SUMO3: variants seen among roughly 807,000 people sequenced by gnomAD.
SUMO3 encodes small ubiquitin like modifier 3.
Under a neutral mutation model 11.1 loss-of-function variants are expected in SUMO3, and 2 were observed. That is an observed-to-expected ratio of 0.18 (90% CI 0.07 to 0.57). The LOEUF (loss-of-function observed/expected upper bound fraction) is 0.57, where lower values mean the gene tolerates loss of function less well. Ranked by LOEUF, SUMO3 falls within the 20% of genes least tolerant of loss-of-function variation. SUMO3 has a pLI of 0.92. For missense variants in SUMO3, 70 were observed against 132.8 expected (o/e 0.53, Z 2.32); for synonymous variants, 56 against 53.5 (o/e 1.05, Z -0.20).
intron 2 of SUMO3, chr21:44,813,688 A>T: frequency 1.2e-6 from 1 of 842,208 alleles, no homozygotes; most frequent in Non-Finnish European, 1.8e-6. Flanking sequence ...CACAGATGTT[A>T]GTACCCCATG....
chr21:44,812,748 G>A (rs2083219848), intron 2 of SUMO3, among the ~76,000 whole-genome samples: 1 of 152,228 alleles, frequency 6.6e-6, no homozygotes, highest in South Asian at 2.1e-4. Flanking sequence ...GAGAGCAGGG[G>A]GAAGGGCAGA....
chr21:44,813,830 A>G (rs1264457122), intron 2 of SUMO3, 146 bp downstream of exon 2: 1 of 1,538,684 alleles, frequency 6.5e-7, no homozygotes, highest in South Asian at 1.2e-5. Context: ...TTACAGCACA[A>G]GCCCCCGCCT....
intron 3 of SUMO3, chr21:44,808,572 C>A: frequency 1.4e-6 from 2 of 1,382,610 alleles, no homozygotes; most frequent in Non-Finnish European, 1.9e-6. Context: ...TGATGCCCTG[C>A]AACGTGATAG....
chr21:44,814,873 C>T (rs151178898), intron 1 of SUMO3, among the ~76,000 whole-genome samples: 8 of 152,352 alleles, frequency 5.3e-5, no homozygotes, highest in African/African-American at 1.4e-4. Context: ...ATGGCACAAT[C>T]GGGGTGTCTT....
At chr21:44,808,525 G>T in intron 3 of SUMO3, 2 of 1,421,676 alleles carry the variant, frequency 1.4e-6, no homozygotes, top group African/African-American at 1.5e-5. Flanking sequence ...AAAAAAAAAA[G>T]TCTGTTTCCA....
rs2083209222 is a variant in SUMO3, at chr21:44,811,059, C to A, written c.151-1941G>T. 6.7e-6 allele frequency among the ~76,000 whole-genome samples: 1 copy of A among 149,248 alleles called. No individual in the cohort carries two copies. Among genetic ancestry groups the A allele is most frequent in the Non-Finnish European group, 1.5e-5 (1 of 67,098 alleles). ...CCACATACACACACGCACACACCCACACATACACACACACGAATGCACACA... is the reference window on the plus strand; with the variant it reads ...CCACATACACACACGCACACACCCAAACATACACACACACGAATGCACACA... On this transcript the variant is annotated intron_variant, in intron 2 of 3. Transcript: ENST00000332859. This position sits in a 1 kb window ranked among gnomAD's most constrained non-coding sequence, Gnocchi z 5.0.
rs188978703 is a variant in SUMO3 at position 44,808,255 on chromosome 21, T to A, written c.222+792A>T. ...CGGCCGGGCGCGTTGGCTCATGCCT[T>A]TAATCCCAGCACTTTGGGGGGCTGA... On this transcript the variant is annotated intron_variant, in intron 3 of 3. Coordinates refer to ENST00000332859, the MANE Select transcript of SUMO3 (RefSeq NM_006936.3). The A allele has an allele frequency of 1.3e-4, 37 of 279,484 alleles. 1 individual carries two copies. The Admixed American group carries it at 1.4e-3, about 11-fold the overall frequency. The allele number at this position is 279,484 out of a possible 1,614,324, so 17.3% of individuals were successfully genotyped here.
At chr21:44,816,813 G>A (rs1482866526) in intron 1 of SUMO3, among the ~76,000 whole-genome samples, 1 of 151,310 alleles carries the variant, frequency 6.6e-6, no homozygotes, top group African/African-American at 2.4e-5. Flanking sequence ...AGGGGTGGGC[G>A]CGCATGGTGG....
chr21:44,814,203 T>A lies in SUMO3; in HGVS notation c.22-99A>T, dbSNP rs1447444725. On this transcript the variant is annotated intron_variant, in intron 1 of 3. Coordinates refer to ENST00000332859, the MANE Select transcript of SUMO3 (RefSeq NM_006936.3). ...GGTAATTGTTGGCTTTTTAAAGTCATCAAAACCAACCTAATTCTTAAAATT... is the reference window on the plus strand; with the variant it reads ...GGTAATTGTTGGCTTTTTAAAGTCAACAAAACCAACCTAATTCTTAAAATT... The A allele has an allele frequency of 4.7e-6, 7 of 1,480,494 alleles. No homozygotes were observed. The African/African-American group carries it at 7.0e-5, about 15-fold the overall frequency. The allele number at this position is 1,480,494 out of a possible 1,614,324, so 91.7% of individuals were successfully genotyped here.
In SUMO3 at chr21:44,806,644, A is replaced by G. The variant is rs2083178733; in HGVS notation, c.*307T>C. 5 of 469,710 alleles carry G rather than the reference A, an allele frequency of 1.1e-5. No homozygotes were observed. Among genetic ancestry groups the G allele is most frequent in the Non-Finnish European group, 1.7e-5 (5 of 287,416 alleles). The allele number at this position is 469,710 out of a possible 1,614,324, so 29.1% of individuals were successfully genotyped here. On this transcript the variant is annotated 3_prime_UTR_variant, in exon 4 of 4. Coordinates refer to ENST00000332859, the MANE Select transcript of SUMO3 (RefSeq NM_006936.3). ...CAGACTAAAAGCGAACATTCAGGCT[A>G]TAATTTTGGGGTTAAAAAAATGTTG...
chr21:44,810,524 T>A lies in SUMO3; in HGVS notation c.151-1406A>T, dbSNP rs1569307984. Among the ~76,000 whole-genome samples the A allele has an allele frequency of 6.6e-6, 1 of 152,208 alleles. No individual in the cohort carries two copies. The highest frequency in any genetic ancestry group is 1.9e-4 in the East Asian group (1 of 5,164). ...GAGATGTGCTTTCTGAGAAGGTGGG[T>A]GCGGAGCTCCAGGCGCAGGGCGGAA... is the stretch of plus-strand genomic sequence containing the variant. On this transcript the variant is annotated intron_variant, in intron 2 of 3. Transcript: ENST00000332859. The surrounding 1 kb of genome is among the most constrained non-coding windows in gnomAD (Gnocchi z 4.1).
intron 2 of SUMO3, among the ~76,000 whole-genome samples, chr21:44,812,714 G>A (rs2083219640): frequency 6.6e-6 from 1 of 152,250 alleles, no homozygotes; most frequent in Non-Finnish European, 1.5e-5. Flanking sequence ...CAGCAGTGCA[G>A]GTGGGGCAGG....
At chr21:44,816,967 TG>T in intron 1 of SUMO3, among the ~76,000 whole-genome samples, 1 of 16,794 alleles carries the variant, frequency 6.0e-5, no homozygotes, top group Non-Finnish European at 1.1e-4. Context: ...ACTGGGGGTG[TG>T]ATGGAAAGGG....
intron 1 of SUMO3, among the ~76,000 whole-genome samples, chr21:44,814,874 G>A (rs185911602): frequency 5.3e-4 from 80 of 152,284 alleles, no homozygotes; most frequent in African/African-American, 1.8e-3. Flanking sequence ...TGGCACAATC[G>A]GGGTGTCTTG....
chr21:44,814,109 A>G lies in SUMO3; in HGVS notation c.22-5T>C. 6.2e-7 allele frequency: 1 copy of G among 1,611,484 alleles called. No individual in the cohort carries two copies. ...ATTCTCTGTCTTCACACCCTCCTGC[A>G]GAAGACACCAGAGACTGGCCTCAAA... On this transcript the variant is annotated splice_region_variant and splice_polypyrimidine_tract_variant and intron_variant, in intron 1 of 3. Coordinates refer to ENST00000332859, the MANE Select transcript of SUMO3 (RefSeq NM_006936.3).
chr21:44,808,632 G>A, intron 3 of SUMO3: 1 of 1,384,172 alleles, frequency 7.2e-7, no homozygotes, highest in Non-Finnish European at 9.4e-7. Context: ...GAGCTGTGCA[G>A]ACTGATAATC....
chr21:44,807,422 G>A lies in SUMO3; in HGVS notation c.223-382C>T, dbSNP rs2083183799. On this transcript the variant is annotated intron_variant, in intron 3 of 3. Coordinates refer to ENST00000332859, the MANE Select transcript of SUMO3 (RefSeq NM_006936.3). The surrounding 1 kb of genome is among the most constrained non-coding windows in gnomAD (Gnocchi z 4.3). Reference sequence around the variant, plus strand: ...GCAGCACTGAGTCCTAGGACCCACAGGAGCCTTGCGCTTTATACCAAGTGC... The same window carrying A: ...GCAGCACTGAGTCCTAGGACCCACAAGAGCCTTGCGCTTTATACCAAGTGC... Among the ~76,000 whole-genome samples the A allele has an allele frequency of 6.6e-6, 1 of 152,164 alleles. No individual in the cohort carries two copies. Among genetic ancestry groups the A allele is most frequent in the Admixed American group, 6.5e-5 (1 of 15,278 alleles).
intron 3 of SUMO3, chr21:44,808,222 C>T (rs1200101884): frequency 4.7e-6 from 1 of 211,590 alleles, no homozygotes; most frequent in East Asian, 9.6e-5. Context: ...TAAAAAAAAA[C>T]TCTGTTTCGG....
chr21:44,817,064 C>T (rs2083249173), intron 1 of SUMO3, among the ~76,000 whole-genome samples: 1 of 98,020 alleles, frequency 1.0e-5, no homozygotes, highest in Admixed American at 1.2e-4. Flanking sequence ...GAGAGGGCGA[C>T]GCAATAGGGA....
Sources: gnomAD v4.1 joint callset for allele counts (sites outside exome capture counted in the v4.1 genomes callset) on GRCh38, gnomAD v4.1.1 for gene constraint, Gnocchi (gnomAD v3.1) non-coding constraint, MANE v1.5 for transcripts, NCBI Gene and HGNC (gene_info 2026-07-23, HGNC 2026-07-21) for gene names.